CAMTA1: variants seen among roughly 807,000 people sequenced by gnomAD.
CAMTA1 encodes the protein calmodulin-binding transcription activator 1.
A neutral mutation model predicts 170.9 loss-of-function variants in CAMTA1; 27 were observed. The observed-to-expected ratio is 0.16, with a 90% CI of 0.12 to 0.22. The LOEUF is 0.22. Ranked by LOEUF, CAMTA1 falls within the 10% of genes least tolerant of loss-of-function variation. The pLI is 1.00. For synonymous variants in CAMTA1, 833 were observed against 891.5 expected (o/e 0.93, Z 1.17); for missense variants, 1,619 against 2,217.2 (o/e 0.73, Z 5.42).
At chr1:7,311,946 A>G (rs753600368) in intron 5 of CAMTA1, among the ~76,000 whole-genome samples, 1 of 152,182 alleles carries the variant, frequency 6.6e-6, no homozygotes, top group Non-Finnish European at 1.5e-5. Context: ...TTAGCATCAG[A>G]TCCATGCATA....
chr1:7,516,121 G>A (rs2094282533), intron 6 of CAMTA1, among the ~76,000 whole-genome samples: 1 of 152,230 alleles, frequency 6.6e-6, no homozygotes. Flanking sequence ...GCCGGCTGGG[G>A]AACGTGCGCT....
At chr1:7,551,404 G>A (rs1009111128) in intron 6 of CAMTA1, among the ~76,000 whole-genome samples, 1 of 148,988 alleles carries the variant, frequency 6.7e-6, no homozygotes, top group Non-Finnish European at 1.5e-5. Context: ...GGAAGAAAAC[G>A]CAGGGCACAG....
chr1:7,707,180 G>A (rs1476026357), intron 11 of CAMTA1, among the ~76,000 whole-genome samples: 1 of 152,090 alleles, frequency 6.6e-6, no homozygotes, highest in African/African-American at 2.4e-5. Flanking sequence ...CACCGTGCCT[G>A]GCCCAGGCTT....
At chr1:7,538,434 GA>G (rs1286131882) in intron 6 of CAMTA1, among the ~76,000 whole-genome samples, 1 of 152,208 alleles carries the variant, frequency 6.6e-6, no homozygotes, top group Non-Finnish European at 1.5e-5. Context: ...GGGATCACTT[GA>G]GCCCAGGAGT....
At chr1:7,746,784 G>A (rs2096860171) in intron 18 of CAMTA1, among the ~76,000 whole-genome samples, 1 of 152,072 alleles carries the variant, frequency 6.6e-6, no homozygotes, top group African/African-American at 2.4e-5. Flanking sequence ...TTACTGGCGC[G>A]TGCCACCACA....
chr1:6,905,978 A>G (rs1678375048), intron 3 of CAMTA1, among the ~76,000 whole-genome samples: 2 of 152,148 alleles, frequency 1.3e-5, no homozygotes, highest in Non-Finnish European at 2.9e-5. Context: ...CTTCAGATAG[A>G]TGTCCTGAAG....
chr1:6,890,507 C>A (rs890633286), intron 3 of CAMTA1, among the ~76,000 whole-genome samples: 1 of 152,020 alleles, frequency 6.6e-6, no homozygotes, highest in African/African-American at 2.4e-5. Context: ...GCCTTTGTTT[C>A]CCATTTTGGT....
chr1:7,257,314 C>T (rs1667560415), intron 5 of CAMTA1, among the ~76,000 whole-genome samples: 1 of 152,136 alleles, frequency 6.6e-6, no homozygotes, highest in Non-Finnish European at 1.5e-5. Context: ...TCATTTCATC[C>T]ACGGTCTGCA....
chr1:7,322,943 T>TCCCCC (rs1678657423), intron 5 of CAMTA1, among the ~76,000 whole-genome samples: 4 of 111,208 alleles, frequency 3.6e-5, no homozygotes, highest in Admixed American at 2.0e-4. Flanking sequence ...TCTCTTTCTT[T>TCCCCC]CCCTCCCCTC....
chr1:7,380,986 A>AT (rs1480486438), intron 5 of CAMTA1, among the ~76,000 whole-genome samples: 1 of 152,214 alleles, frequency 6.6e-6, no homozygotes, highest in Non-Finnish European at 1.5e-5. Flanking sequence ...CCCTAAGGTC[A>AT]TGCAAGGATG....
At chr1:7,497,974 G>A (rs969970102) in intron 6 of CAMTA1, among the ~76,000 whole-genome samples, 1 of 152,184 alleles carries the variant, frequency 6.6e-6, no homozygotes, top group African/African-American at 2.4e-5. Flanking sequence ...CCTCACTCGA[G>A]GCCCTCAGTG....
In CAMTA1 at chr1:7,279,295, T is replaced by G. The variant is rs138561356; in HGVS notation, c.438+29669T>G. On this transcript the variant is annotated intron_variant, in intron 5 of 22. Transcript: ENST00000303635. Reference sequence around the variant, plus strand: ...CACATCCACTGGGGTGGGAGGCAGATTCACATGGGAGGGATGACTTATTGG... The same window carrying G: ...CACATCCACTGGGGTGGGAGGCAGAGTCACATGGGAGGGATGACTTATTGG... Among the ~76,000 whole-genome samples the G allele has an allele frequency of 2.2e-4, 33 of 152,288 alleles. No homozygotes were observed. In the East Asian group the frequency reaches 6.2e-3, roughly 29 times the overall value.
At chr1:7,420,097 C>T (rs1015704353) in intron 5 of CAMTA1, among the ~76,000 whole-genome samples, 2 of 152,190 alleles carry the variant, frequency 1.3e-5, no homozygotes, top group African/African-American at 4.8e-5. Flanking sequence ...CTGCCCCAAC[C>T]CCAGTGGGGA....
intron 3 of CAMTA1, among the ~76,000 whole-genome samples, chr1:6,860,064 C>T (rs1281161198): frequency 2.0e-5 from 3 of 152,078 alleles, no homozygotes; most frequent in East Asian, 1.9e-4. Flanking sequence ...GTAGGTTCTT[C>T]GTTCTTTTTC....
intron 1 of CAMTA1, among the ~76,000 whole-genome samples, chr1:6,795,237 A>G (rs1465549261): frequency 1.3e-5 from 2 of 152,142 alleles, no homozygotes; most frequent in African/African-American, 2.4e-5. Flanking sequence ...CCCAGACTAG[A>G]GTGCAGTAGT....
intron 3 of CAMTA1, among the ~76,000 whole-genome samples, chr1:6,902,925 A>G (rs1302682931): frequency 6.6e-6 from 1 of 152,212 alleles, no homozygotes; most frequent in African/African-American, 2.4e-5. Context: ...CTGAAATTAA[A>G]CATACATGTA....
intron 6 of CAMTA1, among the ~76,000 whole-genome samples, chr1:7,525,857 G>A (rs1427807938): frequency 3.3e-5 from 5 of 151,988 alleles, no homozygotes; most frequent in Admixed American, 1.3e-4. Flanking sequence ...AGCTGCTCAC[G>A]GTCTGAAGAG....
chr1:7,760,589 C>G (rs1230238241), intron 22 of CAMTA1, among the ~76,000 whole-genome samples: 1 of 152,234 alleles, frequency 6.6e-6, no homozygotes, highest in Non-Finnish European at 1.5e-5. Context: ...TTTTGTCTCA[C>G]TTGCCTCTTT....
At position 7,663,888 on chromosome 1, in the gene CAMTA1, G is replaced by A. The variant is rs776933060; in HGVS notation, c.1341G>A (p.Thr447=). Residue 447 remains threonine (T), a synonymous_variant, in exon 9 of 23, where the codon ACG becomes ACA. Transcript: ENST00000303635. ...SDGHKFAFPT[T]GSSESLSMLP... ...GCCACAAGTTCGCCTTTCCCACCAC[G>A]GGCAGCTCGGAGAGCCTGTCCATGC... 2.2e-5 allele frequency: 36 copies of A among 1,613,810 alleles called. No homozygotes were observed. The highest frequency in any genetic ancestry group is 2.8e-5 in the Non-Finnish European group (33 of 1,180,050).
Sources: gnomAD v4.1 joint callset for allele counts (sites outside exome capture counted in the v4.1 genomes callset) on GRCh38, gnomAD v4.1.1 for gene constraint, MANE v1.5 for transcripts, NCBI Gene and HGNC (gene_info 2026-07-23, HGNC 2026-07-21) for gene names.